Variants in TMCC1 observed in about 807,000 individuals in gnomAD.
TMCC1 encodes the protein transmembrane and coiled-coil domain family 1.
A neutral mutation model predicts 52.4 loss-of-function variants in TMCC1; 15 were observed. The ratio of observed to expected loss-of-function variants is 0.29; its 90% CI spans 0.19 to 0.44. The LOEUF (loss-of-function observed/expected upper bound fraction) is 0.44, where lower values mean the gene tolerates loss of function less well. TMCC1 is among the 20% of genes least tolerant of loss of function. The pLI is 1.00. For synonymous variants in TMCC1, 279 were observed against 301.9 expected, an observed-to-expected ratio of 0.92 and a Z score of 0.79; for missense variants, 503 against 806.0, an observed-to-expected ratio of 0.62 and a Z score of 4.55.
intron 4 of TMCC1, among the ~76,000 whole-genome samples, chr3:129,715,798 A>G (rs1002811800): frequency 1.3e-5 from 2 of 152,192 alleles, no homozygotes; most frequent in African/African-American, 2.4e-5. Flanking sequence ...AGCACCCACC[A>G]TATTACTTTA....
intron 4 of TMCC1, among the ~76,000 whole-genome samples, chr3:129,705,641 C>T (rs1253548858): frequency 2.0e-5 from 3 of 149,690 alleles, no homozygotes; most frequent in African/African-American, 7.4e-5. Context: ...AGTCTTGCTC[C>T]GTCACCCAGG....
At chr3:129,883,130 A>AAC (rs59492665) in intron 1 of TMCC1, among the ~76,000 whole-genome samples, 5,218 of 146,728 alleles carry the variant, frequency 0.036, 107 homozygotes, top group South Asian at 0.063. Flanking sequence ...CTCTACTAAA[A>AAC]ACACACACAC....
intron 4 of TMCC1, among the ~76,000 whole-genome samples, chr3:129,734,707 A>G (rs980912680): frequency 3.9e-5 from 6 of 152,118 alleles, no homozygotes; most frequent in African/African-American, 4.8e-5. Context: ...AATAAAACAC[A>G]TATGTTAATG....
intron 2 of TMCC1, among the ~76,000 whole-genome samples, chr3:129,845,616 A>C (rs999800440): frequency 3.9e-5 from 6 of 152,246 alleles, no homozygotes; most frequent in African/African-American, 1.4e-4. Context: ...CGAGAAGGAA[A>C]GAGGCCCCAT....
At chr3:129,687,616 A>G (rs898270775) in intron 4 of TMCC1, among the ~76,000 whole-genome samples, 7 of 152,226 alleles carry the variant, frequency 4.6e-5, no homozygotes, top group African/African-American at 1.7e-4. Flanking sequence ...AAATATACAA[A>G]AGAGAACATA....
intron 4 of TMCC1, among the ~76,000 whole-genome samples, chr3:129,681,402 C>T (rs1339615634): frequency 6.6e-6 from 1 of 151,416 alleles, no homozygotes; most frequent in African/African-American, 2.4e-5. Context: ...AATAACCTTC[C>T]TTTACTATCT....
intron 2 of TMCC1, among the ~76,000 whole-genome samples, chr3:129,837,119 GA>G (rs1182289798): frequency 2.0e-5 from 3 of 152,004 alleles, no homozygotes; most frequent in South Asian, 2.1e-4. Context: ...GGAAAGAGCT[GA>G]AAAAAACCTT....
chr3:129,771,529 C>T (rs1310730986), intron 4 of TMCC1, among the ~76,000 whole-genome samples: 2 of 151,846 alleles, frequency 1.3e-5, no homozygotes, highest in African/African-American at 4.8e-5. Flanking sequence ...AATCCCAGCA[C>T]CCTGGGAGGC....
At chr3:129,685,314 G>A in intron 4 of TMCC1, among the ~76,000 whole-genome samples, 1 of 151,838 alleles carries the variant, frequency 6.6e-6, no homozygotes, top group Non-Finnish European at 1.5e-5. Flanking sequence ...AGGAGTCTAA[G>A]GCTGCACTGA....
At chr3:129,805,546 C>T (rs1208019767) in intron 4 of TMCC1, among the ~76,000 whole-genome samples, 2 of 152,140 alleles carry the variant, frequency 1.3e-5, no homozygotes, top group Non-Finnish European at 2.9e-5. Flanking sequence ...TTTTGTCTAG[C>T]ACATACACAG....
At chr3:129,836,783 G>T (rs1362294205) in intron 2 of TMCC1, among the ~76,000 whole-genome samples, 1 of 152,204 alleles carries the variant, frequency 6.6e-6, no homozygotes, top group Non-Finnish European at 1.5e-5. Flanking sequence ...GTCCTCGAGG[G>T]CTGCAATCAT....
intron 1 of TMCC1, among the ~76,000 whole-genome samples, chr3:129,890,317 G>A (rs1179647662): frequency 6.6e-6 from 1 of 152,196 alleles, no homozygotes; most frequent in South Asian, 2.1e-4. Context: ...AGTGACAGCT[G>A]TTCAGTGGAG....
At chr3:129,846,539 G>A (rs1577069670) in intron 2 of TMCC1, among the ~76,000 whole-genome samples, 2 of 152,164 alleles carry the variant, frequency 1.3e-5, no homozygotes, top group Admixed American at 6.5e-5. Flanking sequence ...TTTATAAGGA[G>A]CAACATTTTT....
At chr3:129,813,386 T>C (rs1207843369) in intron 4 of TMCC1, among the ~76,000 whole-genome samples, 1 of 152,106 alleles carries the variant, frequency 6.6e-6, no homozygotes, top group Non-Finnish European at 1.5e-5. Flanking sequence ...CTATTCACAA[T>C]AGCAAAGACA....
chr3:129,715,890 C>T (rs1317825451), intron 4 of TMCC1, among the ~76,000 whole-genome samples: 1 of 152,090 alleles, frequency 6.6e-6, no homozygotes, highest in Non-Finnish European at 1.5e-5. Flanking sequence ...CTGAGTACCT[C>T]CATCTAAGAG....
intron 4 of TMCC1, among the ~76,000 whole-genome samples, chr3:129,744,409 T>C (rs2107641764): frequency 6.6e-6 from 1 of 152,192 alleles, no homozygotes; most frequent in Non-Finnish European, 1.5e-5. Flanking sequence ...TAACTCAGCG[T>C]CCGAAAGCAC....
intron 4 of TMCC1, among the ~76,000 whole-genome samples, chr3:129,733,004 G>A (rs1284119359): frequency 1.3e-5 from 2 of 152,162 alleles, no homozygotes; most frequent in Admixed American, 1.3e-4. Flanking sequence ...GAGGATATGA[G>A]AGAGGTGAGA....
intron 2 of TMCC1, among the ~76,000 whole-genome samples, chr3:129,855,146 C>T (rs1281500954): frequency 6.6e-6 from 1 of 152,176 alleles, no homozygotes; most frequent in African/African-American, 2.4e-5. Context: ...ATGAAGTTTA[C>T]TTATGACAGG....
chr3:129,764,239 C>T (rs2053892903), intron 4 of TMCC1, among the ~76,000 whole-genome samples: 1 of 152,200 alleles, frequency 6.6e-6, no homozygotes, highest in South Asian at 2.1e-4. Flanking sequence ...ATTATTCAGC[C>T]TCTACTAATG....
Sources: gnomAD v4.1 joint callset for allele counts (sites outside exome capture counted in the v4.1 genomes callset) on GRCh38, gnomAD v4.1.1 for gene constraint, MANE v1.5 for transcripts, NCBI Gene and HGNC (gene_info 2026-07-23, HGNC 2026-07-21) for gene names.